The following LTA4H variants were observed in gnomAD, a reference collection of about 807,000 sequenced individuals.
LTA4H encodes the protein leukotriene A4 hydrolase, also known as leukotriene A-4 hydrolase.
Under a neutral mutation model 89.8 loss-of-function variants are expected in LTA4H, and 59 were observed. That is an observed-to-expected ratio of 0.66 (90% CI 0.53 to 0.82). LTA4H has a LOEUF of 0.82. Among genes scored for constraint, LTA4H ranks in the 40% least tolerant of loss-of-function variants. The pLI is 0.00. For synonymous variants in LTA4H, 227 were observed against 253.1 expected (o/e 0.90, Z 0.98); for missense variants, 617 against 727.0 (o/e 0.85, Z 1.74).
In LTA4H at chr12:96,003,868, T is replaced by A; in HGVS notation, c.1583A>T (p.Asn528Ile). Residue 528 changes from asparagine (N) to isoleucine (I), a missense_variant, in exon 17 of 19, where the codon AAT becomes ATT. By Grantham distance (149) the Asn-to-Ile change is moderately radical. Coordinates refer to ENST00000228740, the MANE Select transcript of LTA4H (RefSeq NM_000895.3). ...TCGTATTTCAGAATTGTTAATGGCATTGAAGTTGTACACCTCTTGCATTCG... is the reference window on the plus strand; with the variant it reads ...TCGTATTTCAGAATTGTTAATGGCAATGAAGTTGTACACCTCTTGCATTCG... ...IKRMQEVYNFNAINNSEIRFR... is the reference protein window; with the variant it reads ...IKRMQEVYNFIAINNSEIRFR... 6.2e-7 allele frequency: 1 copy of A among 1,610,542 alleles called. No individual in the cohort carries two copies. The highest frequency in any genetic ancestry group is 8.5e-7 in the Non-Finnish European group (1 of 1,178,186).
intron 18 of LTA4H, among the ~76,000 whole-genome samples, chr12:96,002,493 T>A (rs1310299148): frequency 6.6e-6 from 1 of 152,222 alleles, no homozygotes; most frequent in Non-Finnish European, 1.5e-5. Flanking sequence ...TGTATCTTGC[T>A]GTCAAGATAC....
chr12:96,030,349 A>G (rs187867546), intron 1 of LTA4H, among the ~76,000 whole-genome samples: 9 of 152,214 alleles, frequency 5.9e-5, no homozygotes, highest in African/African-American at 1.7e-4. Flanking sequence ...TTCAATTAGT[A>G]TCTCTGTGAA....
Position 96,008,407 on chromosome 12 carries a change from T to C in LTA4H, c.1434+687A>G, listed in dbSNP as rs77712411. Among the ~76,000 whole-genome samples the C allele has an allele frequency of 1.9e-3, 290 of 152,298 alleles. 12 individuals carry two copies. The East Asian group carries it at 0.051, about 27-fold the overall frequency. On this transcript the variant is annotated intron_variant, in intron 15 of 18. Coordinates refer to ENST00000228740, the MANE Select transcript of LTA4H (RefSeq NM_000895.3). ...AAAGAGCAAAAGTGCTTCGATTCTT[T>C]GCACCACTAATAGTCAGCAGCTGGT...
At chr12:96,041,071 TG>T (rs1230671144) in intron 1 of LTA4H, among the ~76,000 whole-genome samples, 15 of 152,248 alleles carry the variant, frequency 9.9e-5, no homozygotes, top group Non-Finnish European at 5.9e-5. Flanking sequence ...CTAGAATTTT[TG>T]GCATACAATC....
intron 13 of LTA4H, 46 bp downstream of exon 13, chr12:96,013,704 A>C: frequency 1.0e-6 from 1 of 963,672 alleles, no homozygotes; most frequent in Non-Finnish European, 1.6e-6. Context: ...GTCAATAAAT[A>C]GAGATATATC....
chr12:96,005,570 C>T (rs1027506177), intron 16 of LTA4H, among the ~76,000 whole-genome samples: 6 of 152,286 alleles, frequency 3.9e-5, no homozygotes, highest in South Asian at 2.1e-4. Flanking sequence ...ATGCTGCAGA[C>T]GAATTCCAGC....
intron 6 of LTA4H, among the ~76,000 whole-genome samples, chr12:96,020,142 C>T (rs897662595): frequency 1.1e-4 from 16 of 151,938 alleles, no homozygotes; most frequent in Admixed American, 5.2e-4. Context: ...TGGGCTCAAG[C>T]GATCCTCCCA....
At chr12:96,030,718 T>G (rs1950562781) in intron 1 of LTA4H, among the ~76,000 whole-genome samples, 1 of 152,180 alleles carries the variant, frequency 6.6e-6, no homozygotes, top group Non-Finnish European at 1.5e-5. Context: ...ATTTTTTTCC[T>G]TTTCTGAAAT....
chr12:96,017,441 G>A (rs1190648436), intron 9 of LTA4H, 116 bp downstream of exon 9: 1 of 830,294 alleles, frequency 1.2e-6, no homozygotes, highest in Non-Finnish European at 1.9e-6. Context: ...TGTGAGAAGA[G>A]TCCCCAAATT....
At chr12:96,035,846 A>G (rs934937322), upstream of LTA4H, among the ~76,000 whole-genome samples, 15 of 152,156 alleles carry the variant, frequency 9.9e-5, no homozygotes, top group Admixed American at 6.5e-4. Context: ...AAGGGAAATG[A>G]TGAGAATGGA....
At chr12:96,039,460 T>C (rs1950672196), upstream of LTA4H, among the ~76,000 whole-genome samples, 1 of 152,190 alleles carries the variant, frequency 6.6e-6, no homozygotes, top group African/African-American at 2.4e-5. Flanking sequence ...GTTGAAAAGA[T>C]GAAATGAGAT....
At chr12:96,013,977 A>G in intron 12 of LTA4H, 124 bp from the exon 13 acceptor site, 1 of 561,340 alleles carries the variant, frequency 1.8e-6, no homozygotes, top group Non-Finnish European at 3.2e-6. Flanking sequence ...AGGGAAATCT[A>G]CGAGGACTTT....
Position 96,018,573 on chromosome 12 carries a change from T to C in LTA4H, c.852+190A>G, listed in dbSNP as rs139737006. Among the ~76,000 whole-genome samples, 19 of 151,890 alleles carry C rather than the reference T, an allele frequency of 1.3e-4. 1 individual carries two copies. Among genetic ancestry groups the C allele is most frequent in the Admixed American group, 2.6e-4 (4 of 15,236 alleles). ...AAAAAACAACAAAAAAAAAATGAGA[T>C]TGTGATAACCACAATAAACAATAAA... On this transcript the variant is annotated intron_variant, in intron 8 of 18. Transcript: ENST00000228740.
At chr12:96,017,655 A>T in intron 8 of LTA4H, 75 bp from the exon 9 acceptor site, 1 of 974,002 alleles carries the variant, frequency 1.0e-6, no homozygotes, top group Non-Finnish European at 1.6e-6. Context: ...CTACCTAAAT[A>T]CTTAGCATAC....
rs566168865 is a variant in LTA4H, at chr12:96,015,079, C to G, written c.1060-80G>C. Reference sequence around the variant, plus strand: ...CAAATAAGCTAATAAGGAGGTATTACTTCACTCAGTGGTGTAACTTTAGGG... The same window carrying G: ...CAAATAAGCTAATAAGGAGGTATTAGTTCACTCAGTGGTGTAACTTTAGGG... On this transcript the variant is annotated intron_variant, in intron 11 of 18. Transcript: ENST00000228740. The G allele has an allele frequency of 9.8e-6, 13 of 1,325,696 alleles. No individual in the cohort carries two copies. In the African/African-American group the frequency reaches 1.9e-4, roughly 19 times the overall value. 82.1% of individuals were successfully genotyped at this position (1,325,696 alleles called of 1,614,324 possible). A position where few individuals can be genotyped will look rare whatever the true frequency, so the allele number is the denominator to read the frequency against.
At chr12:96,020,882 C>A in intron 6 of LTA4H, 1 of 488,230 alleles carries the variant, frequency 2.0e-6, no homozygotes, top group Non-Finnish European at 3.6e-6. Flanking sequence ...TTTTACAATA[C>A]TTGAAAAAAT....
At chr12:96,039,150 T>C (rs1950669952), upstream of LTA4H, among the ~76,000 whole-genome samples, 1 of 152,032 alleles carries the variant, frequency 6.6e-6, no homozygotes, top group African/African-American at 2.4e-5. Flanking sequence ...TTTGGGAAGC[T>C]GAGGCAAGCA....
intron 4 of LTA4H, among the ~76,000 whole-genome samples, chr12:96,023,032 T>C (rs1337550353): frequency 6.6e-6 from 1 of 152,212 alleles, no homozygotes; most frequent in Non-Finnish European, 1.5e-5. Flanking sequence ...CGGCAAACCA[T>C]ATAGTCATTT....
chr12:96,035,547 A>C lies in LTA4H; in HGVS notation c.-28T>G. Reference sequence around the variant, plus strand: ...CTCTGGGGGATCACACAGCACAGCGACCTACAGCCCAACGCTCAGCTACCA... The same window carrying C: ...CTCTGGGGGATCACACAGCACAGCGCCCTACAGCCCAACGCTCAGCTACCA... On this transcript the variant is annotated 5_prime_UTR_variant, in exon 1 of 19. Transcript: ENST00000228740. 6.3e-7 allele frequency: 1 copy of C among 1,578,088 alleles called. No homozygotes were observed. The highest frequency in any genetic ancestry group is 8.6e-7 in the Non-Finnish European group (1 of 1,158,306).
Sources: allele counts gnomAD v4.1 joint callset (sites outside exome capture counted in the v4.1 genomes callset), GRCh38; gene constraint gnomAD v4.1.1; transcripts MANE v1.5; gene names NCBI Gene and HGNC (gene_info 2026-07-23, HGNC 2026-07-21).